SEC16A: variants seen among roughly 807,000 people sequenced by gnomAD.
The protein encoded by SEC16A is SEC16 homolog A, endoplasmic reticulum export factor.
SEC16A carries 110 observed loss-of-function variants against 221.9 expected under a neutral mutation model. That is an observed-to-expected ratio of 0.50 (90% CI 0.42 to 0.58). SEC16A has a LOEUF of 0.58. Ranked by LOEUF, SEC16A falls within the 20% of genes least tolerant of loss-of-function variation. The pLI, the probability that SEC16A is intolerant of heterozygous loss-of-function variation, is 0.00. For synonymous variants in SEC16A, 1,393 were observed against 1,257.7 expected (o/e 1.11, Z -2.28); for missense variants, 3,165 against 3,097.8 (o/e 1.02, Z -0.52).
intron 4 of SEC16A, 33 bp from the exon 5 acceptor site, chr9:136,468,545 A>G: frequency 7.4e-7 from 1 of 1,348,300 alleles, no homozygotes; most frequent in Non-Finnish European, 1.1e-6. Flanking sequence ...TAAAACACAA[A>G]TTACCTATTT....
intron 13 of SEC16A, among the ~76,000 whole-genome samples, chr9:136,460,803 C>T (rs912369944): frequency 6.6e-6 from 1 of 152,002 alleles, no homozygotes; most frequent in Non-Finnish European, 1.5e-5. Context: ...GTCTCAACTA[C>T]TTGGGAGGCC....
intron 8 of SEC16A, among the ~76,000 whole-genome samples, chr9:136,464,913 C>T (rs1207214666): frequency 6.6e-6 from 1 of 152,042 alleles, no homozygotes; most frequent in East Asian, 1.9e-4. Context: ...ATTCAGACTG[C>T]GATGACCACA....
Position 136,447,048 on chromosome 9 carries a change from G to A in SEC16A, c.6698-99C>T, listed in dbSNP as rs1837094067. On this transcript the variant is annotated intron_variant, in intron 27 of 31. Coordinates refer to ENST00000684901, the MANE Select transcript of SEC16A (RefSeq NM_014866.2). This position sits in a 1 kb window ranked among gnomAD's most constrained non-coding sequence, Gnocchi z 5.5. ...AGGAAGAGAGTTTCACACTGCACACGCGGCACACTCATGCAGAAACAGGCA... is the reference window on the plus strand; with the variant it reads ...AGGAAGAGAGTTTCACACTGCACACACGGCACACTCATGCAGAAACAGGCA... 1 of 1,582,416 alleles carries A rather than the reference G, an allele frequency of 6.3e-7. No individual in the cohort carries two copies. Among genetic ancestry groups the A allele is most frequent in the Non-Finnish European group, 8.6e-7 (1 of 1,166,748 alleles).
intron 3 of SEC16A, 114 bp from the exon 4 acceptor site, chr9:136,472,225 G>T: frequency 8.1e-7 from 1 of 1,232,978 alleles, no homozygotes. Context: ...TACCTACCAA[G>T]AGCAAGCTCG....
At chr9:136,482,392 G>A in intron 1 of SEC16A, among the ~76,000 whole-genome samples, 1 of 152,126 alleles carries the variant, frequency 6.6e-6, no homozygotes, top group Non-Finnish European at 1.5e-5. Flanking sequence ...ACTTTAAATG[G>A]CTCTGATGTT....
At chr9:136,442,504 G>A (rs1355812347) in intron 31 of SEC16A, among the ~76,000 whole-genome samples, 1 of 152,230 alleles carries the variant, frequency 6.6e-6, no homozygotes, top group Non-Finnish European at 1.5e-5. Flanking sequence ...AATCCCAAGA[G>A]GCCCCAGACC....
At chr9:136,445,825 T>C (rs1252818494) in intron 28 of SEC16A, 106 bp from the exon 29 acceptor site, 3 of 975,508 alleles carry the variant, frequency 3.1e-6, no homozygotes, top group Non-Finnish European at 4.6e-6. Context: ...ACAAACGCCC[T>C]CTTCCACGTA....
chr9:136,476,436 A>C lies in SEC16A; in HGVS notation c.1180T>G (p.Leu394Val), dbSNP rs369180207. The part of the protein sequence containing the change: ...EENLSSEKAG[L>V]SGQADFDDFC... ...TCGTCAAAGTCCGCTTGACCAGATA[A>C]GCCTGCTTTTTCAGATGAGAGATTC... is the stretch of plus-strand genomic sequence containing the variant. Residue 394 changes from leucine to valine, a missense_variant, in exon 3 of 32, where the codon TTA (leucine) becomes GTA (valine). By Grantham distance (32) the Leu-to-Val change is conservative. Transcript: ENST00000684901. 6.2e-7 allele frequency: 1 copy of C among 1,613,084 alleles called. No individual in the cohort carries two copies. Among genetic ancestry groups the C allele is most frequent in the South Asian group, 1.1e-5 (1 of 91,070 alleles).
rs2133226354 is a variant in SEC16A, at chr9:136,483,022, C to A, written c.-276G>T. On this transcript the variant is annotated 5_prime_UTR_variant, in exon 1 of 32. Transcript: ENST00000684901. ...ACGAGCACAGACACCTCAGCCGCCG[C>A]AGCCATCTTGGCACATCCGGCTCGG... 1.0e-6 allele frequency: 1 copy of A among 985,302 alleles called. No homozygotes were observed. Among genetic ancestry groups the A allele is most frequent in the East Asian group, 1.1e-4 (1 of 8,792 alleles). 61.0% of individuals were successfully genotyped at this position (985,302 alleles called of 1,614,324 possible).
At chr9:136,465,271 C>T (rs1291889867) in intron 8 of SEC16A, among the ~76,000 whole-genome samples, 6 of 152,110 alleles carry the variant, frequency 3.9e-5, no homozygotes, top group African/African-American at 7.2e-5. Flanking sequence ...GCCAACATGG[C>T]AAAACCCCAT....
Position 136,475,439 on chromosome 9 carries a change from C to T in SEC16A, c.2177G>A (p.Trp726Ter). The change falls in exon 3 of 32, where the codon TGG becomes TAG. Residue 726 changes from tryptophan (W) to a stop codon, truncating the protein, a stop_gained. Coordinates refer to ENST00000684901, the MANE Select transcript of SEC16A (RefSeq NM_014866.2). LOFTEE classifies it high-confidence loss of function. The surrounding 1 kb of genome is among the most constrained non-coding windows in gnomAD (Gnocchi z 5.0). ...AAAATCTGGCAGCTCACTTTGCGCC[C>T]ACAGAGTCGTTGCTGGGCTCTCACA... Reference protein sequence around the residue: ...VKCESPATTLWAQSELPDFGG... With the variant: ...VKCESPATTL 1 of 1,610,558 alleles carries T rather than the reference C, an allele frequency of 6.2e-7. No individual in the cohort carries two copies. The highest frequency in any genetic ancestry group is 8.5e-7 in the Non-Finnish European group (1 of 1,177,752).
chr9:136,474,212 G>A lies in SEC16A; in HGVS notation c.3404C>T (p.Pro1135Leu), dbSNP rs1482884068. ...TGGCTGTGGCCACGGCTGCTCTGACGGCACAGCTGCCTGGCCGGAGCCACT... is the reference window on the plus strand; with the variant it reads ...TGGCTGTGGCCACGGCTGCTCTGACAGCACAGCTGCCTGGCCGGAGCCACT... Reference protein sequence around the residue: ...VSSGSGQAAVPSEQPWPQPVP... With the variant: ...VSSGSGQAAVLSEQPWPQPVP... Residue 1135 changes from proline (P) to leucine (L), a missense_variant, in exon 3 of 32, where the codon CCG becomes CTG. Transcript: ENST00000684901. 8.7e-6 allele frequency: 14 copies of A among 1,611,016 alleles called. No individual in the cohort carries two copies. Among genetic ancestry groups the A allele is most frequent in the East Asian group, 2.2e-5 (1 of 44,830 alleles).
Position 136,475,499 on chromosome 9 carries a change from T to G in SEC16A, c.2117A>C (p.Lys706Thr). The G allele has an allele frequency of 6.2e-7, 1 of 1,609,168 alleles. No homozygotes were observed. Among genetic ancestry groups the G allele is most frequent in the Non-Finnish European group, 8.5e-7 (1 of 1,176,456 alleles). ...CCCCTGGGTCCTGGCTGAAGGCCTC[T>G]TCTCGGGTGCTGGATACACAGTATC... ...PLDTVYPAPE[K>T]RPSARTQGPV... The change falls in exon 3 of 32, where the codon AAG becomes ACG. Residue 706 changes from lysine to threonine, a missense_variant. Coordinates refer to ENST00000684901, the MANE Select transcript of SEC16A (RefSeq NM_014866.2). The surrounding 1 kb of genome is among the most constrained non-coding windows in gnomAD (Gnocchi z 5.0).
At chr9:136,464,999 C>T (rs181697465) in intron 8 of SEC16A, among the ~76,000 whole-genome samples, 1 of 152,160 alleles carries the variant, frequency 6.6e-6, no homozygotes. Flanking sequence ...TGGTGCATGC[C>T]TGTAATCCCA....
chr9:136,454,415 A>G lies in SEC16A; in HGVS notation c.5858-88T>C, dbSNP rs571226027. 5 of 1,248,776 alleles carry G rather than the reference A, an allele frequency of 4.0e-6. No individual in the cohort carries two copies. In the East Asian group the frequency reaches 1.0e-4, roughly 25 times the overall value. The allele number at this position is 1,248,776 out of a possible 1,614,324, so 77.4% of individuals were successfully genotyped here. A position where few individuals can be genotyped will look rare whatever the true frequency, so the allele number is the denominator to read the frequency against. On this transcript the variant is annotated intron_variant, in intron 20 of 31. Transcript: ENST00000684901. ...AGCTGACACTCGACGTGTTTATGACAAGTTATTTTGTACAGCCCCATTTCT... is the reference window on the plus strand; with the variant it reads ...AGCTGACACTCGACGTGTTTATGACGAGTTATTTTGTACAGCCCCATTTCT...
chr9:136,459,916 C>T lies in SEC16A; in HGVS notation c.5074-42G>A. The T allele has an allele frequency of 6.4e-7, 1 of 1,574,528 alleles. No homozygotes were observed. The highest frequency in any genetic ancestry group is 1.3e-5 in the African/African-American group (1 of 74,150). ...CAAAACGAAGCCTCATCCCCGGAAG[C>T]CAGCGCCATTTCAATTCCACACAGC... On this transcript the variant is annotated intron_variant, in intron 14 of 31. Transcript: ENST00000684901. This position sits in a 1 kb window ranked among gnomAD's most constrained non-coding sequence, Gnocchi z 6.1.
rs1216160143 is a variant in SEC16A, at chr9:136,450,770, A to G, written c.6312+486T>C. Among the ~76,000 whole-genome samples, 6 of 152,164 alleles carry G rather than the reference A, an allele frequency of 3.9e-5. No homozygotes were observed. The East Asian group carries it at 1.2e-3, about 29-fold the overall frequency. ...TGCTCAGCAGTGTCTCCTAAAGCTGAACACACGCTCATCCTGCGAGCTAAA... is the reference window on the plus strand; with the variant it reads ...TGCTCAGCAGTGTCTCCTAAAGCTGGACACACGCTCATCCTGCGAGCTAAA... On this transcript the variant is annotated intron_variant, in intron 23 of 31. Coordinates refer to ENST00000684901, the MANE Select transcript of SEC16A (RefSeq NM_014866.2).
chr9:136,454,557 A>T (rs117727231), intron 20 of SEC16A, among the ~76,000 whole-genome samples: 2 of 152,146 alleles, frequency 1.3e-5, no homozygotes, highest in Admixed American at 1.3e-4. Flanking sequence ...GCACTTGAGC[A>T]GTCACAGCGG....
In SEC16A at chr9:136,446,917, C is replaced by T; in HGVS notation, c.6730G>A (p.Gly2244Ser). 1 of 1,613,750 alleles carries T rather than the reference C, an allele frequency of 6.2e-7. No individual in the cohort carries two copies. The change falls in exon 28 of 32, where the codon GGC (glycine) becomes AGC (serine). Residue 2244 changes from glycine to serine, a missense_variant. Gly to Ser is a moderately conservative substitution (Grantham distance 56). This residue lies in a region of SEC16A where 1,088 missense variants were observed against 1,089.6 expected (regional missense o/e 1.00). Transcript: ENST00000684901. ...CTAGCTGCTGCAGGCCCTTCCCTGCCAGTCCCGTCTGGAAGCTGTGGTTCT... is the reference window on the plus strand; with the variant it reads ...CTAGCTGCTGCAGGCCCTTCCCTGCTAGTCCCGTCTGGAAGCTGTGGTTCT... ...AEEPQLPDGT[G>S]REGPAAARGL... is the part of the protein sequence containing the mutation.
Sources: gnomAD v4.1 joint callset for allele counts (sites outside exome capture counted in the v4.1 genomes callset) on GRCh38, gnomAD v4.1.1 for gene constraint, gnomAD v4.1.1 regional missense constraint, Gnocchi (gnomAD v3.1) non-coding constraint, MANE v1.5 for transcripts, NCBI Gene and HGNC (gene_info 2026-07-23, HGNC 2026-07-21) for gene names.